The following CCDC144A variants were observed in gnomAD, a reference collection of about 807,000 sequenced individuals.
CCDC144A encodes coiled-coil domain containing 144A.
In CCDC144A, 41 loss-of-function variants were observed where a neutral mutation model predicts 143.8. That is an observed-to-expected ratio of 0.29 (90% CI 0.22 to 0.37). The LOEUF (loss-of-function observed/expected upper bound fraction) is 0.37, where lower values mean the gene tolerates loss of function less well. Among genes scored for constraint, CCDC144A ranks in the 10% least tolerant of loss-of-function variants. CCDC144A has a pLI of 1.00. For synonymous variants in CCDC144A, 242 were observed against 517.9 expected (o/e 0.47, Z 7.23); for missense variants, 637 against 1,488.8 (o/e 0.43, Z 9.41).
At chr17:16,703,497 CTA>C (rs999045308) in intron 2 of CCDC144A, among the ~76,000 whole-genome samples, 5 of 152,102 alleles carry the variant, frequency 3.3e-5, no homozygotes, top group Non-Finnish European at 7.4e-5. Context: ...GAAATAAAAA[CTA>C]AAATATTTTA....
intron 12 of CCDC144A, among the ~76,000 whole-genome samples, chr17:16,747,020 G>C (rs929178501): frequency 1.3e-5 from 2 of 151,196 alleles, no homozygotes; most frequent in East Asian, 3.9e-4. Flanking sequence ...AGGTTTTCTT[G>C]TAGGATTTTT....
chr17:16,705,875 C>G (rs1314052770), intron 3 of CCDC144A: 1 of 175,658 alleles, frequency 5.7e-6, no homozygotes, highest in African/African-American at 2.4e-5. Context: ...GTCAGTAGTT[C>G]GAGACCAGCC....
chr17:16,753,723 CAG>C (rs1371843816), intron 12 of CCDC144A, among the ~76,000 whole-genome samples: 6 of 152,236 alleles, frequency 3.9e-5, no homozygotes, highest in Admixed American at 6.5e-5. Context: ...CACAGGGAGA[CAG>C]TTTGACTTTC....
At chr17:16,668,996 A>G in the CCDC144A span, among the ~76,000 whole-genome samples, 1 of 152,244 alleles carries the variant, frequency 6.6e-6, no homozygotes, top group Non-Finnish European at 1.5e-5. Context: ...ACAAATGTTC[A>G]TGCCATAACA....
intron 1 of CCDC144A, among the ~76,000 whole-genome samples, chr17:16,691,159 C>A (rs915506351): frequency 6.6e-6 from 1 of 151,946 alleles, no homozygotes; most frequent in Non-Finnish European, 1.5e-5. Context: ...ACCAGGCTGA[C>A]CAACATGGTG....
chr17:16,713,856 T>TG, intron 6 of CCDC144A, among the ~76,000 whole-genome samples: 1 of 152,152 alleles, frequency 6.6e-6, no homozygotes, highest in Non-Finnish European at 1.5e-5. Flanking sequence ...CCCCTAGGTA[T>TG]GCTGGCCTTG....
Position 16,709,354 on chromosome 17 carries a change from C to A in CCDC144A, c.1297C>A (p.Pro433Thr). The change falls in exon 5 of 17, where the codon CCA becomes ACA. Residue 433 changes from proline (P) to threonine (T), a missense_variant. Coordinates refer to ENST00000399273, the MANE Select transcript of CCDC144A (RefSeq NM_001382000.1). ...TGCAAGCACTAAGAAAGCAAGGAAC[C>A]CAGAAGTGGTTATGGTTGAAATGAA... is the stretch of plus-strand genomic sequence containing the variant. ...NDASTKKARN[P>T]EVVMVEMKED... 1.2e-6 allele frequency: 2 copies of A among 1,611,452 alleles called. No homozygotes were observed. Among genetic ancestry groups the A allele is most frequent in the Non-Finnish European group, 8.5e-7 (1 of 1,179,606 alleles).
chr17:16,681,419 G>C, the CCDC144A span, among the ~76,000 whole-genome samples: 1 of 152,156 alleles, frequency 6.6e-6, no homozygotes, highest in African/African-American at 2.4e-5. Context: ...TCTGTTATTT[G>C]AAAACATTTA....
chr17:16,757,682 C>T lies in CCDC144A; in HGVS notation c.3373-3743C>T, dbSNP rs375331970. Reference sequence around the variant, plus strand: ...GGTACACTTGAGTGGGCCAGTCCTCCGGCCTCCTAAAGGTATGTACAGGTA... The same window carrying T: ...GGTACACTTGAGTGGGCCAGTCCTCTGGCCTCCTAAAGGTATGTACAGGTA... On this transcript the variant is annotated intron_variant, in intron 12 of 16. Coordinates refer to ENST00000399273, the MANE Select transcript of CCDC144A (RefSeq NM_001382000.1). Among the ~76,000 whole-genome samples the T allele has an allele frequency of 1.1e-4, 17 of 152,358 alleles. No homozygotes were observed. The East Asian group carries it at 2.5e-3, about 22-fold the overall frequency.
At chr17:16,689,385 G>C (rs1289145056), upstream of CCDC144A, among the ~76,000 whole-genome samples, 1 of 152,110 alleles carries the variant, frequency 6.6e-6, no homozygotes, top group East Asian at 1.9e-4. Context: ...TAGTAGAGAG[G>C]GTTTCACCAT....
chr17:16,728,369 A>G (rs1226343790), intron 9 of CCDC144A, among the ~76,000 whole-genome samples: 14 of 152,188 alleles, frequency 9.2e-5, no homozygotes, highest in South Asian at 2.1e-4. Flanking sequence ...ATGTTTTTCT[A>G]CATTCCTAAA....
At chr17:16,717,710 T>C (rs950166813) in intron 6 of CCDC144A, among the ~76,000 whole-genome samples, 4 of 152,328 alleles carry the variant, frequency 2.6e-5, no homozygotes, top group Admixed American at 6.5e-5. Flanking sequence ...TATATATTTC[T>C]TTATATGTTG....
chr17:16,736,482 T>C (rs1914012223), intron 12 of CCDC144A, among the ~76,000 whole-genome samples: 1 of 151,234 alleles, frequency 6.6e-6, no homozygotes, highest in South Asian at 2.1e-4. Flanking sequence ...ATGTTACATT[T>C]AATCTTACCA....
At chr17:16,769,075 T>A (rs139096448) in intron 15 of CCDC144A, among the ~76,000 whole-genome samples, 2,970 of 151,502 alleles carry the variant, frequency 0.02, 62 homozygotes, top group African/African-American at 0.069. Context: ...CAGTATTTTA[T>A]CCCAGATTAG....
At chr17:16,698,496 G>A (rs2143062018) in intron 2 of CCDC144A, among the ~76,000 whole-genome samples, 1 of 152,332 alleles carries the variant, frequency 6.6e-6, no homozygotes, top group Non-Finnish European at 1.5e-5. Flanking sequence ...TTTTGTAACT[G>A]CAGCAGCTCC....
chr17:16,740,710 C>G (rs2621548), intron 12 of CCDC144A, among the ~76,000 whole-genome samples: 4 of 148,496 alleles, frequency 2.7e-5, no homozygotes, highest in South Asian at 2.2e-4. Context: ...AATTTTCTCA[C>G]TGAGGAAATG....
chr17:16,751,415 G>A lies in CCDC144A; in HGVS notation c.3373-10010G>A, dbSNP rs997004872. 2.6e-5 allele frequency among the ~76,000 whole-genome samples: 4 copies of A among 152,166 alleles called. No homozygotes were observed. In the South Asian group the frequency reaches 8.3e-4, roughly 32 times the overall value. ...AATTCAGTCTGCAATCCAGGAGATG[G>A]TGCTCTAGAGTACGGGCTGGCATGC... On this transcript the variant is annotated intron_variant, in intron 12 of 16. Transcript: ENST00000399273.
upstream of CCDC144A, among the ~76,000 whole-genome samples, chr17:16,685,916 C>A (rs1378328118): frequency 6.6e-6 from 1 of 150,766 alleles, no homozygotes; most frequent in Non-Finnish European, 1.5e-5. Flanking sequence ...GAATTACAGG[C>A]GCCCACCACC....
chr17:16,690,383 G>A lies in CCDC144A; in HGVS notation c.-18G>A. ...TATCCTGCTGGGAGGTTGTGGCCGAGGCAGTAGCTCGCTACTGATGGCCTC... is the reference window on the plus strand; with the variant it reads ...TATCCTGCTGGGAGGTTGTGGCCGAAGCAGTAGCTCGCTACTGATGGCCTC... On this transcript the variant is annotated 5_prime_UTR_variant, in exon 1 of 17. Transcript: ENST00000399273. 1 of 1,495,766 alleles carries A rather than the reference G, an allele frequency of 6.7e-7. No homozygotes were observed. Among genetic ancestry groups the A allele is most frequent in the Non-Finnish European group, 8.9e-7 (1 of 1,118,666 alleles). 92.7% of individuals were successfully genotyped at this position (1,495,766 alleles called of 1,614,324 possible).
Sources: gnomAD v4.1 joint callset for allele counts (sites outside exome capture counted in the v4.1 genomes callset) on GRCh38, gnomAD v4.1.1 for gene constraint, MANE v1.5 for transcripts, NCBI Gene and HGNC (gene_info 2026-07-23, HGNC 2026-07-21) for gene names.